Variants in KREMEN1 observed in about 807,000 individuals in gnomAD.
KREMEN1 encodes the protein kringle containing transmembrane protein 1.
A neutral mutation model predicts 46.5 loss-of-function variants in KREMEN1; 30 were observed. The ratio of observed to expected loss-of-function variants is 0.65; its 90% CI spans 0.48 to 0.88. The LOEUF (loss-of-function observed/expected upper bound fraction) is 0.88. KREMEN1 is among the 40% of genes least tolerant of loss of function. The pLI is 0.00. For missense variants in KREMEN1, 533 were observed against 596.9 expected (o/e 0.89, Z 1.11); for synonymous variants, 214 against 230.6 (o/e 0.93, Z 0.65).
chr22:29,080,409 A>G (rs894440616), intron 1 of KREMEN1, among the ~76,000 whole-genome samples: 2 of 152,196 alleles, frequency 1.3e-5, no homozygotes, highest in African/African-American at 4.8e-5. Context: ...TGGAGGGGAG[A>G]TTAACTTAAA....
chr22:29,086,993 G>A (rs949477120), intron 1 of KREMEN1, among the ~76,000 whole-genome samples: 2 of 151,960 alleles, frequency 1.3e-5, no homozygotes, highest in African/African-American at 4.8e-5. Context: ...GAACTCCTGG[G>A]CTCAAGTGAT....
chr22:29,093,396 A>C, intron 1 of KREMEN1, among the ~76,000 whole-genome samples: 1 of 152,186 alleles, frequency 6.6e-6, no homozygotes, highest in East Asian at 1.9e-4. Flanking sequence ...ATTTTAAAAA[A>C]TTGTTCTTTG....
intron 3 of KREMEN1, among the ~76,000 whole-genome samples, chr22:29,119,900 G>C (rs186844501): frequency 1.3e-5 from 2 of 152,352 alleles, no homozygotes; most frequent in Admixed American, 1.3e-4. Flanking sequence ...GAAAGATTTT[G>C]TGATAGATTA....
rs200961235 is a variant in KREMEN1, at chr22:29,127,951, A to AC, written c.631+2537dup. ...TGCTACAACATGGATGAACCTTGAA[A>AC]CCATTATTCTAAATGAAAGAACCAG... On this transcript the variant is annotated intron_variant, in intron 5 of 8. Coordinates refer to ENST00000400335, the MANE Select transcript of KREMEN1 (RefSeq NM_001039570.3). Among the ~76,000 whole-genome samples, 1,046 of 152,294 alleles carry AC rather than the reference A, an allele frequency of 6.9e-3. 14 individuals are homozygous for AC. Among genetic ancestry groups the AC allele is most frequent in the African/African-American group, 0.023 (975 of 41,564 alleles).
At chr22:29,110,872 G>A (rs184409439) in intron 3 of KREMEN1, among the ~76,000 whole-genome samples, 8 of 152,260 alleles carry the variant, frequency 5.3e-5, no homozygotes, top group Non-Finnish European at 1.0e-4. Flanking sequence ...CTGAGGGTGT[G>A]GATGAATCCA....
chr22:29,130,063 T>A (rs970069351), intron 5 of KREMEN1, among the ~76,000 whole-genome samples: 1 of 152,364 alleles, frequency 6.6e-6, no homozygotes, highest in Non-Finnish European at 1.5e-5. Flanking sequence ...TGGACCTTAT[T>A]TTGTAGCATT....
intron 3 of KREMEN1, among the ~76,000 whole-genome samples, chr22:29,104,047 A>T (rs552997765): frequency 3.8e-4 from 58 of 152,238 alleles, no homozygotes; most frequent in African/African-American, 1.4e-3. Flanking sequence ...GCAACTTTGA[A>T]TAATAAAAAT....
intron 1 of KREMEN1, among the ~76,000 whole-genome samples, chr22:29,078,492 AAAAAG>A (rs2037606406): frequency 8.1e-6 from 1 of 123,214 alleles, no homozygotes; most frequent in Non-Finnish European, 1.7e-5. Flanking sequence ...GAAAAAAAAA[AAAAAG>A]AAGAAGAAGA....
At chr22:29,079,464 G>A (rs1463465329) in intron 1 of KREMEN1, among the ~76,000 whole-genome samples, 1 of 152,240 alleles carries the variant, frequency 6.6e-6, no homozygotes, top group Non-Finnish European at 1.5e-5. Flanking sequence ...AGTAGCCAAA[G>A]CATTAAACTT....
Position 29,142,517 on chromosome 22 carries a change from T to G in KREMEN1, c.*405T>G. 2 of 991,632 alleles carry G rather than the reference T, an allele frequency of 2.0e-6. No individual in the cohort carries two copies. Among genetic ancestry groups the G allele is most frequent in the Non-Finnish European group, 2.4e-6 (2 of 834,248 alleles). 61.4% of individuals were successfully genotyped at this position (991,632 alleles called of 1,614,324 possible). A position where few individuals can be genotyped will look rare whatever the true frequency, so the allele number is the denominator to read the frequency against. The stretch of plus-strand genomic sequence containing the variant: ...CATTGAATTTTTCTTGCTTCTCTAT[T>G]TTTGTCCACACACAAATCAGTTTCT... On this transcript the variant is annotated 3_prime_UTR_variant, in exon 9 of 9. Transcript: ENST00000400335.
At chr22:29,166,865 T>C (rs132316) in intron 9 of KREMEN1, among the ~76,000 whole-genome samples, 143,735 of 152,258 alleles carry the variant, frequency 0.94, 68,081 homozygotes, top group African/African-American at 0.99. Context: ...TCCAAGAGTT[T>C]GAGGCTGCAG....
chr22:29,114,632 G>C (rs1311190766), intron 3 of KREMEN1, among the ~76,000 whole-genome samples: 1 of 152,104 alleles, frequency 6.6e-6, no homozygotes, highest in Non-Finnish European at 1.5e-5. Flanking sequence ...CTTGACCTTA[G>C]ACTTCTTAGC....
In KREMEN1 at chr22:29,125,380, C is replaced by G; in HGVS notation, c.595C>G (p.Pro199Ala). The G allele has an allele frequency of 6.2e-7, 1 of 1,614,196 alleles. No homozygotes were observed. Among genetic ancestry groups the G allele is most frequent in the Non-Finnish European group, 8.5e-7 (1 of 1,180,020 alleles). Reference protein sequence around the residue: ...NSVCFGDHTQPCGGDGRIILF... With the variant: ...NSVCFGDHTQACGGDGRIILF... ...CGTCTGCTTCGGGGATCACACCCAA[C>G]CCTGTGGTGGCGATGGCAGGATCAT... is the stretch of plus-strand genomic sequence containing the variant. The change falls in exon 5 of 9, where the codon CCC (proline) becomes GCC (alanine). Residue 199 changes from proline (P) to alanine (A), a missense_variant. Coordinates refer to ENST00000400335, the MANE Select transcript of KREMEN1 (RefSeq NM_001039570.3).
At chr22:29,076,016 A>G (rs1355644402) in intron 1 of KREMEN1, among the ~76,000 whole-genome samples, 1 of 152,182 alleles carries the variant, frequency 6.6e-6, no homozygotes, top group Admixed American at 6.5e-5. Context: ...TTCACAACTC[A>G]TAAGAAGGAA....
intron 1 of KREMEN1, among the ~76,000 whole-genome samples, chr22:29,082,623 G>A (rs2037673035): frequency 6.6e-6 from 1 of 152,156 alleles, no homozygotes; most frequent in Non-Finnish European, 1.5e-5. Context: ...CACCTTCTAT[G>A]TGGTCTGTAG....
At chr22:29,094,150 A>G (rs1289100855) in intron 1 of KREMEN1, 108 bp from the exon 2 acceptor site, 10 of 861,120 alleles carry the variant, frequency 1.2e-5, no homozygotes, top group Non-Finnish European at 1.7e-5. Flanking sequence ...CTAGCAAGAC[A>G]CTATCCATTT....
chr22:29,101,457 C>A (rs899882137), intron 3 of KREMEN1, among the ~76,000 whole-genome samples: 1 of 151,984 alleles, frequency 6.6e-6, no homozygotes, highest in African/African-American at 2.4e-5. Context: ...TTTAGTGTAG[C>A]CTAAATGTTC....
In KREMEN1 at chr22:29,141,121, C is replaced by T. The variant is rs141981905; in HGVS notation, c.1208+755C>T. Among the ~76,000 whole-genome samples, 67 of 152,266 alleles carry T rather than the reference C, an allele frequency of 4.4e-4. 2 individuals carry two copies. In the East Asian group the frequency reaches 6.0e-3, roughly 14 times the overall value. On this transcript the variant is annotated intron_variant, in intron 8 of 8. Transcript: ENST00000400335. The stretch of plus-strand genomic sequence containing the variant: ...CTACAGACTTCTTATACATTAAATG[C>T]GAGCTCTTCCATTGCGTTGTGAATG...
At chr22:29,156,645 C>G (rs1421319468) in intron 9 of KREMEN1, among the ~76,000 whole-genome samples, 1 of 152,244 alleles carries the variant, frequency 6.6e-6, no homozygotes, top group Admixed American at 6.5e-5. Context: ...AAGGCCCCCA[C>G]ACTGCTGCAT....
Sources: allele counts gnomAD v4.1 joint callset (sites outside exome capture counted in the v4.1 genomes callset), GRCh38; gene constraint gnomAD v4.1.1; transcripts MANE v1.5; gene names NCBI Gene and HGNC (gene_info 2026-07-23, HGNC 2026-07-21).